The following RBMS3 variants were observed in gnomAD, a reference collection of about 807,000 sequenced individuals.
RBMS3 encodes RNA binding motif single stranded interacting protein 3.
A neutral mutation model predicts 66.8 loss-of-function variants in RBMS3; 27 were observed. The ratio of observed to expected loss-of-function variants is 0.40; its 90% CI spans 0.30 to 0.56. The LOEUF is 0.56. Ranked by LOEUF, RBMS3 falls within the 20% of genes least tolerant of loss-of-function variation. RBMS3 has a pLI of 0.40. For missense variants in RBMS3, 513 were observed against 549.5 expected, an observed-to-expected ratio of 0.93 and a Z score of 0.66; for synonymous variants, 188 against 183.0, an observed-to-expected ratio of 1.03 and a Z score of -0.22.
intron 8 of RBMS3, 83 bp from the exon 9 acceptor site, chr3:29,897,296 T>G: frequency 8.1e-7 from 1 of 1,229,300 alleles, no homozygotes. Context: ...AATATGTCTT[T>G]CCCATAGGTA....
intron 6 of RBMS3, among the ~76,000 whole-genome samples, chr3:29,773,517 T>C (rs1365739748): frequency 2.0e-5 from 3 of 152,078 alleles, no homozygotes; most frequent in Non-Finnish European, 4.4e-5. Flanking sequence ...CAGAGGTTTA[T>C]ATCAAACAGT....
chr3:29,390,965 C>G, intron 1 of RBMS3: 1 of 240,334 alleles, frequency 4.2e-6, no homozygotes. Flanking sequence ...AAAGTAGTCA[C>G]AGTCTTAGAC....
At chr3:29,816,829 C>G (rs535713871) in intron 6 of RBMS3, among the ~76,000 whole-genome samples, 1 of 152,104 alleles carries the variant, frequency 6.6e-6, no homozygotes, top group African/African-American at 2.4e-5. Flanking sequence ...TGGTGGCTCA[C>G]GACTGTAATT....
intron 2 of RBMS3, among the ~76,000 whole-genome samples, chr3:29,442,601 CAG>C (rs2041669350): frequency 6.6e-6 from 1 of 152,022 alleles, no homozygotes; most frequent in South Asian, 2.1e-4. Context: ...ATCTGGAGCT[CAG>C]AGAGGTGGAA....
intron 6 of RBMS3, among the ~76,000 whole-genome samples, chr3:29,842,696 A>C (rs2058691192): frequency 6.6e-6 from 1 of 152,158 alleles, no homozygotes; most frequent in Non-Finnish European, 1.5e-5. Context: ...TTAGATGGGA[A>C]GATTACCCTG....
chr3:29,792,501 A>C (rs755646406), intron 6 of RBMS3, among the ~76,000 whole-genome samples: 3 of 152,168 alleles, frequency 2.0e-5, no homozygotes, highest in Non-Finnish European at 4.4e-5. Context: ...GGCTGTCTTA[A>C]AAAAAGACAT....
intron 10 of RBMS3, among the ~76,000 whole-genome samples, chr3:29,911,730 C>A (rs1049785391): frequency 1.3e-5 from 2 of 151,956 alleles, no homozygotes; most frequent in African/African-American, 4.8e-5. Flanking sequence ...CTAAGTTATT[C>A]AAACAATAAA....
intron 3 of RBMS3, among the ~76,000 whole-genome samples, chr3:29,585,246 T>A (rs1184299089): frequency 6.6e-6 from 1 of 152,146 alleles, no homozygotes; most frequent in Non-Finnish European, 1.5e-5. Flanking sequence ...TCTTAACTCA[T>A]CAACTGCTCC....
intron 3 of RBMS3, among the ~76,000 whole-genome samples, chr3:29,586,702 T>C (rs2047531279): frequency 6.6e-6 from 1 of 152,144 alleles, no homozygotes; most frequent in South Asian, 2.1e-4. Context: ...GTTCTTATCA[T>C]GGTTTTTGTT....
chr3:29,973,593 A>G (rs929066079), intron 12 of RBMS3, among the ~76,000 whole-genome samples: 9 of 151,908 alleles, frequency 5.9e-5, no homozygotes, highest in African/African-American at 2.2e-4. Context: ...TTTCTGACTG[A>G]ATGTTCCTAG....
chr3:29,943,128 G>T (rs993959876), intron 11 of RBMS3, among the ~76,000 whole-genome samples: 3 of 151,768 alleles, frequency 2.0e-5, no homozygotes, highest in Non-Finnish European at 2.9e-5. Context: ...TTGACCTTTT[G>T]TGGCAAGGAG....
chr3:29,843,675 C>G (rs981896039), intron 6 of RBMS3, among the ~76,000 whole-genome samples: 16 of 152,116 alleles, frequency 1.1e-4, no homozygotes, highest in African/African-American at 3.9e-4. Context: ...TTGCCTTCAG[C>G]TAGGAGCAGT....
intron 4 of RBMS3, among the ~76,000 whole-genome samples, chr3:29,684,837 G>T (rs2051647712): frequency 1.3e-5 from 2 of 151,546 alleles, no homozygotes; most frequent in African/African-American, 4.9e-5. Flanking sequence ...CTGAGCTAAA[G>T]AGGATGGTCT....
chr3:29,849,685 A>G (rs1405491850), intron 6 of RBMS3, among the ~76,000 whole-genome samples: 1 of 152,208 alleles, frequency 6.6e-6, no homozygotes, highest in Non-Finnish European at 1.5e-5. Flanking sequence ...CAATAATGTT[A>G]AAAGAACAAA....
intron 3 of RBMS3, among the ~76,000 whole-genome samples, chr3:29,542,064 C>T (rs1247679156): frequency 4.6e-5 from 7 of 152,122 alleles, no homozygotes. Context: ...GTCTGGGTTC[C>T]CACTGTCATG....
intron 1 of RBMS3, among the ~76,000 whole-genome samples, chr3:29,321,770 A>T (rs2035020847): frequency 6.6e-6 from 1 of 152,148 alleles, no homozygotes; most frequent in Non-Finnish European, 1.5e-5. Context: ...TGTGAAGGTC[A>T]AAGCCACCAA....
chr3:29,981,512 T>C (rs1442890983), intron 12 of RBMS3, among the ~76,000 whole-genome samples: 1 of 152,202 alleles, frequency 6.6e-6, no homozygotes, highest in East Asian at 1.9e-4. Flanking sequence ...TGTGCTTGTT[T>C]TCAAAGGGAG....
Position 29,801,555 on chromosome 3 carries a change from C to CCGCAT in RBMS3, c.637+38567_637+38568insGCATC, listed in dbSNP as rs547322583. On this transcript the variant is annotated intron_variant, in intron 6 of 14. Coordinates refer to ENST00000383767, the MANE Select transcript of RBMS3 (RefSeq NM_001003793.3). ...AGTGCTGGGATTACAGGCATGAGCA[C>CCGCAT]CTGACCAGAATCATTCCTCTTAATC... 8.0e-3 allele frequency among the ~76,000 whole-genome samples: 1,085 copies of CCGCAT among 135,664 alleles called. 13 individuals carry two copies. The highest frequency in any genetic ancestry group is 0.028 in the African/African-American group (1,029 of 36,854). The allele number at this position is 135,664 out of a possible 152,430, so 89.0% of individuals were successfully genotyped here. A position where few individuals can be genotyped will look rare whatever the true frequency, so the allele number is the denominator to read the frequency against.
At chr3:29,586,990 G>A (rs747085358) in intron 3 of RBMS3, 124 bp from the exon 4 acceptor site, 94 of 649,778 alleles carry the variant, frequency 1.4e-4, no homozygotes, top group Non-Finnish European at 2.3e-4. Context: ...AGAGCCTAAT[G>A]TTCAACCAGG....
Sources: allele counts gnomAD v4.1 joint callset (sites outside exome capture counted in the v4.1 genomes callset), GRCh38; gene constraint gnomAD v4.1.1; transcripts MANE v1.5; gene names NCBI Gene and HGNC (gene_info 2026-07-23, HGNC 2026-07-21).